Variants in SLC26A8 observed in about 807,000 individuals in gnomAD.
The protein encoded by SLC26A8 is solute carrier family 26 member 8.
In SLC26A8, 70 loss-of-function variants were observed where a neutral mutation model predicts 105.0. That is an observed-to-expected ratio of 0.67 (90% confidence interval 0.55 to 0.81). The LOEUF is 0.81. Among genes scored for constraint, SLC26A8 ranks in the 40% least tolerant of loss-of-function variants. The pLI is 0.00. For synonymous variants in SLC26A8, 415 were observed against 438.3 expected (o/e 0.95, Z 0.66); for missense variants, 998 against 1,181.8 (o/e 0.84, Z 2.28).
At chr6:35,997,963 G>C in intron 4 of SLC26A8, 44 bp from the exon 5 acceptor site, 1 of 1,570,212 alleles carries the variant, frequency 6.4e-7, no homozygotes, top group South Asian at 1.1e-5. Flanking sequence ...TTCAAGTCCA[G>C]GTAAACTGAT....
At chr6:35,952,052 G>T (rs1771897073) in intron 17 of SLC26A8, among the ~76,000 whole-genome samples, 2 of 152,196 alleles carry the variant, frequency 1.3e-5, no homozygotes, top group Non-Finnish European at 2.9e-5. Context: ...TGGGGAGCAG[G>T]AGGGAGAGCT....
In SLC26A8 at chr6:35,960,065, C is replaced by T. The variant is rs534162743; in HGVS notation, c.1639-259G>A. 5.1e-5 allele frequency: 16 copies of T among 313,860 alleles called. No individual in the cohort carries two copies. In the East Asian group the frequency reaches 8.9e-4, roughly 17 times the overall value. The allele number at this position is 313,860 out of a possible 1,614,324, so 19.4% of individuals were successfully genotyped here. On this transcript the variant is annotated intron_variant, in intron 14 of 19. Coordinates refer to ENST00000490799, the MANE Select transcript of SLC26A8 (RefSeq NM_052961.4). ...CTGGGATTACAGGCACCTGCCATCACGCCCTGCTAATTTTTGTATTTTTAG... is the reference window on the plus strand; with the variant it reads ...CTGGGATTACAGGCACCTGCCATCATGCCCTGCTAATTTTTGTATTTTTAG...
chr6:35,950,732 T>G (rs1771839078), intron 19 of SLC26A8, among the ~76,000 whole-genome samples: 1 of 152,218 alleles, frequency 6.6e-6, no homozygotes, highest in Non-Finnish European at 1.5e-5. Context: ...GAATCTCTGC[T>G]AGTTCATTAG....
chr6:35,957,943 C>T (rs972807409), intron 16 of SLC26A8, among the ~76,000 whole-genome samples: 4 of 151,960 alleles, frequency 2.6e-5, no homozygotes, highest in South Asian at 2.1e-4. Flanking sequence ...ATCTACTCTA[C>T]GTTCTTATCT....
At chr6:36,015,259 C>T (rs113426101) in intron 2 of SLC26A8, among the ~76,000 whole-genome samples, 12,043 of 152,026 alleles carry the variant, frequency 0.079, 525 homozygotes, top group Non-Finnish European at 0.096. Context: ...ATGACAGGCA[C>T]GTGCCACCAT....
chr6:35,974,886 GCCACAACAC>G (rs1413160250), intron 10 of SLC26A8, among the ~76,000 whole-genome samples: 1 of 151,424 alleles, frequency 6.6e-6, no homozygotes, highest in Non-Finnish European at 1.5e-5. Flanking sequence ...ACATGTGTGC[GCCACAACAC>G]CCAGCTAATT....
chr6:36,012,195 C>T (rs1366242565), intron 3 of SLC26A8, 38 bp downstream of exon 3: 1 of 1,602,448 alleles, frequency 6.2e-7, no homozygotes, highest in East Asian at 2.2e-5. Context: ...AGGTCTGATA[C>T]ATTGTCTTTG....
chr6:35,958,703 G>A (rs1293416120), intron 16 of SLC26A8, among the ~76,000 whole-genome samples: 1 of 152,140 alleles, frequency 6.6e-6, no homozygotes, highest in Non-Finnish European at 1.5e-5. Flanking sequence ...CACCTGCATG[G>A]CGGGTGGAGG....
intron 5 of SLC26A8, among the ~76,000 whole-genome samples, chr6:35,995,755 C>A (rs868357213): frequency 3.9e-5 from 6 of 152,170 alleles, no homozygotes; most frequent in Middle Eastern, 3.4e-3. Flanking sequence ...AAGCAATCCT[C>A]CTGCTTCAGT....
intron 9 of SLC26A8, 42 bp downstream of exon 9, chr6:35,977,162 G>A: frequency 6.3e-7 from 1 of 1,578,246 alleles, no homozygotes; most frequent in Non-Finnish European, 8.6e-7. Context: ...TTTGATTAAA[G>A]AACAAAGAGT....
At chr6:36,012,197 T>C in intron 3 of SLC26A8, 36 bp downstream of exon 3, 1 of 1,603,000 alleles carries the variant, frequency 6.2e-7, no homozygotes, top group South Asian at 1.1e-5. Context: ...GTCTGATACA[T>C]TGTCTTTGGA....
chr6:36,004,169 A>G (rs1761614673), intron 3 of SLC26A8, among the ~76,000 whole-genome samples: 1 of 144,584 alleles, frequency 6.9e-6, no homozygotes, highest in Admixed American at 7.3e-5. Flanking sequence ...TCAACCTCCC[A>G]GGCTCAGGGA....
intron 1 of SLC26A8, among the ~76,000 whole-genome samples, chr6:36,022,996 G>GA (rs139952027): frequency 0.18 from 26,433 of 150,140 alleles, 2,565 homozygotes; most frequent in Non-Finnish European, 0.22. Context: ...TTGCTAGGTA[G>GA]AAAAAAAGCA....
In SLC26A8 at chr6:35,974,972, G is replaced by A. The variant is rs58179828; in HGVS notation, c.1287+403C>T. On this transcript the variant is annotated intron_variant, in intron 10 of 19. Coordinates refer to ENST00000490799, the MANE Select transcript of SLC26A8 (RefSeq NM_052961.4). ...GGGGTTTTACCATGTTAGCCAGGCTGGTCTCAAACTCCTGACCTCAAGTGA... is the reference window on the plus strand; with the variant it reads ...GGGGTTTTACCATGTTAGCCAGGCTAGTCTCAAACTCCTGACCTCAAGTGA... Among the ~76,000 whole-genome samples the A allele has an allele frequency of 9.8e-3, 1,476 of 150,702 alleles. 32 individuals are homozygous for A. Among genetic ancestry groups the A allele is most frequent in the African/African-American group, 0.034 (1,375 of 40,954 alleles).
chr6:35,982,178 T>C lies in SLC26A8; in HGVS notation c.968A>G (p.Asn323Ser). 3 of 1,614,034 alleles carry C rather than the reference T, an allele frequency of 1.9e-6. No homozygotes were observed. Among genetic ancestry groups the C allele is most frequent in the Non-Finnish European group, 2.5e-6 (3 of 1,180,014 alleles). The change falls in exon 8 of 20, where the codon AAC becomes AGC. Residue 323 changes from asparagine to serine, a missense_variant. By Grantham distance (46) the Asn-to-Ser change is conservative. Coordinates refer to ENST00000490799, the MANE Select transcript of SLC26A8 (RefSeq NM_052961.4). ...GGTTTCTGTGGCCATGCTTATCTTG[T>C]TTGCAATCACAGTGAAGCCAATAAT... ...FLIIGFTVIA[N>S]KISMATETSQ...
chr6:36,001,246 A>G (rs1761513193), intron 3 of SLC26A8, among the ~76,000 whole-genome samples: 1 of 151,908 alleles, frequency 6.6e-6, no homozygotes, highest in Admixed American at 6.6e-5. Flanking sequence ...CTCCTGCCTC[A>G]GCCTCCCGAG....
chr6:36,007,141 C>A (rs557558273), intron 3 of SLC26A8, among the ~76,000 whole-genome samples: 2 of 151,434 alleles, frequency 1.3e-5, no homozygotes, highest in Non-Finnish European at 2.9e-5. Context: ...GCTAGTATAA[C>A]AAGCAATAAA....
chr6:36,011,971 A>G (rs965462269), intron 3 of SLC26A8, among the ~76,000 whole-genome samples: 5 of 152,220 alleles, frequency 3.3e-5, no homozygotes, highest in Admixed American at 3.3e-4. Flanking sequence ...TAAGCATGAA[A>G]TAACTAGTGA....
chr6:35,991,787 C>A lies in SLC26A8; in HGVS notation c.814G>T (p.Ala272Ser). Residue 272 changes from alanine (A) to serine (S), a missense_variant, in exon 7 of 20, where the codon GCT becomes TCT. Ala to Ser is a moderately conservative substitution (Grantham distance 99). Coordinates refer to ENST00000490799, the MANE Select transcript of SLC26A8 (RefSeq NM_052961.4). ...CTGGTGGAATTCGCTTTTGGGAGAG[C>A]TACACAGTAATTAATTATGTCCTGA... The part of the protein sequence containing the change: ...FFYDIINYCV[A>S]LPKANSTSIL... The A allele has an allele frequency of 6.3e-7, 1 of 1,598,202 alleles. No homozygotes were observed.
Sources: allele counts gnomAD v4.1 joint callset (sites outside exome capture counted in the v4.1 genomes callset), GRCh38; gene constraint gnomAD v4.1.1; transcripts MANE v1.5; gene names NCBI Gene and HGNC (gene_info 2026-07-23, HGNC 2026-07-21).